Variants in KIF3C observed in about 807,000 individuals in gnomAD.
The protein encoded by KIF3C is kinesin-like protein KIF3C.
A neutral mutation model predicts 67.7 loss-of-function variants in KIF3C; 12 were observed. The observed-to-expected ratio is 0.18, with a 90% CI of 0.11 to 0.29. The LOEUF (loss-of-function observed/expected upper bound fraction) is 0.29. Ranked by LOEUF, KIF3C falls within the 10% of genes least tolerant of loss-of-function variation. The pLI, the probability that KIF3C is intolerant of heterozygous loss-of-function variation, is 1.00. For missense variants in KIF3C, 789 were observed against 1,059.6 expected (o/e 0.74, Z 3.55); for synonymous variants, 393 against 426.2 (o/e 0.92, Z 0.96).
rs1646549878 is a variant in KIF3C at position 25,955,948 on chromosome 2, A to G, written c.1648-285T>C. ...AGTCACACAGATGGAGGCACATCAC[A>G]CTGCCTTCCAAGCTGCCTCACCCTC... is the stretch of plus-strand genomic sequence containing the variant. On this transcript the variant is annotated intron_variant, in intron 2 of 7. Transcript: ENST00000264712. This position sits in a 1 kb window ranked among gnomAD's most constrained non-coding sequence, Gnocchi z 5.0. Among the ~76,000 whole-genome samples the G allele has an allele frequency of 6.6e-6, 1 of 152,146 alleles. No individual in the cohort carries two copies. The highest frequency in any genetic ancestry group is 1.5e-5 in the Non-Finnish European group (1 of 68,020).
Position 25,981,405 on chromosome 2 carries a change from G to C in KIF3C, c.513C>G (p.Pro171=). 1 of 1,614,222 alleles carries C rather than the reference G, an allele frequency of 6.2e-7. No individual in the cohort carries two copies. The highest frequency in any genetic ancestry group is 1.3e-5 in the African/African-American group (1 of 75,050). ...PGKRLELKEN[P]ETGVYIKDLS... is the part of the protein sequence containing the mutation. ...GGTCCTTGATGTAGACGCCAGTCTC[G>C]GGGTTCTCTTTCAGCTCTAGCCTCT... The change falls in exon 1 of 8, where the codon CCC becomes CCG. Residue 171 remains proline (P), a synonymous_variant. Coordinates refer to ENST00000264712, the MANE Select transcript of KIF3C (RefSeq NM_002254.8). The surrounding 1 kb of genome is among the most constrained non-coding windows in gnomAD (Gnocchi z 8.2).
intron 1 of KIF3C, among the ~76,000 whole-genome samples, chr2:25,979,707 C>G (rs569340046): frequency 6.6e-6 from 1 of 152,284 alleles, no homozygotes; most frequent in South Asian, 2.1e-4. Flanking sequence ...TCCCAGGGAG[C>G]AGAATCTGTT....
At chr2:25,943,489 A>C (rs937954554) in intron 5 of KIF3C, among the ~76,000 whole-genome samples, 5 of 152,194 alleles carry the variant, frequency 3.3e-5, no homozygotes. Context: ...TTTTTACTTT[A>C]TTCTAACCAT....
intron 6 of KIF3C, 44 bp downstream of exon 6, chr2:25,929,911 C>T (rs369522099): frequency 4.3e-6 from 6 of 1,391,756 alleles, no homozygotes; most frequent in South Asian, 3.5e-5. Context: ...ACACCTCGCC[C>T]GGCCTCCCTC....
chr2:25,953,739 C>T (rs1663718060), intron 4 of KIF3C, among the ~76,000 whole-genome samples: 3 of 148,972 alleles, frequency 2.0e-5, no homozygotes. Flanking sequence ...GGCATGATCT[C>T]GGCTCACTGC....
At chr2:25,959,659 C>G (rs190951634) in intron 1 of KIF3C, among the ~76,000 whole-genome samples, 135 of 152,110 alleles carry the variant, frequency 8.9e-4, no homozygotes, top group African/African-American at 3.1e-3. Flanking sequence ...AGGCTGGTCT[C>G]GAACTCCTGA....
rs141721325 is a variant in KIF3C, at chr2:25,979,356, G to T, written c.1545+1017C>A. Among the ~76,000 whole-genome samples the T allele has an allele frequency of 3.3e-5, 5 of 152,302 alleles. No individual in the cohort carries two copies. The East Asian group carries it at 9.6e-4, about 29-fold the overall frequency. Reference sequence around the variant, plus strand: ...TGCTGAGGTCCTGACATCTCTCAGGGTTATGGGGAATTGGATATTAACTGT... The same window carrying T: ...TGCTGAGGTCCTGACATCTCTCAGGTTTATGGGGAATTGGATATTAACTGT... On this transcript the variant is annotated intron_variant, in intron 1 of 7. Transcript: ENST00000264712.
At chr2:25,957,098 G>C (rs1476735240) in intron 1 of KIF3C, among the ~76,000 whole-genome samples, 1 of 152,182 alleles carries the variant, frequency 6.6e-6, no homozygotes, top group African/African-American at 2.4e-5. Flanking sequence ...CACCGCCTAT[G>C]TTCCAGGATG....
At chr2:25,948,429 G>A (rs1663500927) in intron 5 of KIF3C, among the ~76,000 whole-genome samples, 1 of 151,598 alleles carries the variant, frequency 6.6e-6, no homozygotes, top group Admixed American at 6.6e-5. Context: ...GTGCATGCCT[G>A]TGGCCCCAGC....
rs1664623912 is a variant in KIF3C, at chr2:25,982,302, T to C, written c.-385A>G. ...GATGGGGGTGGGCGGCGAGCTGTCT[T>C]CTCCTCCTTCCTCTAGGGATCCATA... On this transcript the variant is annotated 5_prime_UTR_variant, in exon 1 of 8. Transcript: ENST00000264712. 1 of 402,044 alleles carries C rather than the reference T, an allele frequency of 2.5e-6. No individual in the cohort carries two copies. The highest frequency in any genetic ancestry group is 1.2e-4 in the South Asian group (1 of 8,434). The allele number at this position is 402,044 out of a possible 1,614,324, so 24.9% of individuals were successfully genotyped here.
At chr2:25,929,534 G>A in intron 6 of KIF3C, 57 bp from the exon 7 acceptor site, 1 of 1,508,902 alleles carries the variant, frequency 6.6e-7, no homozygotes. Context: ...TGCCTTCTAG[G>A]GACTCAGCCA....
At chr2:25,968,919 G>A (rs1009889483) in intron 1 of KIF3C, among the ~76,000 whole-genome samples, 1 of 152,180 alleles carries the variant, frequency 6.6e-6, no homozygotes, top group Middle Eastern at 3.4e-3. Flanking sequence ...CGCCTTCCGG[G>A]TTCAAGTGAT....
At chr2:25,954,118 G>A (rs1663733539) in intron 4 of KIF3C, 149 bp downstream of exon 4, 2 of 683,584 alleles carry the variant, frequency 2.9e-6, no homozygotes, top group Non-Finnish European at 5.3e-6. Flanking sequence ...ACTCCAGCAC[G>A]TGGGCCCATC....
chr2:25,979,871 C>T (rs562388098), intron 1 of KIF3C, among the ~76,000 whole-genome samples: 60 of 152,190 alleles, frequency 3.9e-4, no homozygotes, highest in Non-Finnish European at 6.6e-4. Flanking sequence ...AACTGTGACC[C>T]TGGATGGCCA....
chr2:25,981,145 G>A lies in KIF3C; in HGVS notation c.773C>T (p.Pro258Leu). ...AGSERQNKAG[P>L]NTAGGAATPS... ...TGTGGCTGCCCCTCCCGCTGTGTTG[G>A]GGCCTGCCTTGTTCTGCCTCTCGCT... is the stretch of plus-strand genomic sequence containing the variant. The change falls in exon 1 of 8, where the codon CCC (proline) becomes CTC (leucine). Residue 258 changes from proline (P) to leucine (L), a missense_variant. Physicochemically the swap from Pro to Leu is moderately conservative, Grantham distance 98 (BLOSUM62 -3). Transcript: ENST00000264712. The surrounding 1 kb of genome is among the most constrained non-coding windows in gnomAD (Gnocchi z 8.2). 6.2e-7 allele frequency: 1 copy of A among 1,614,104 alleles called. No homozygotes were observed. The highest frequency in any genetic ancestry group is 8.5e-7 in the Non-Finnish European group (1 of 1,180,032).
intron 5 of KIF3C, among the ~76,000 whole-genome samples, chr2:25,932,460 G>T (rs2090469156): frequency 6.6e-6 from 1 of 151,748 alleles, no homozygotes; most frequent in African/African-American, 2.4e-5. Context: ...ATAGGAGTTA[G>T]CATAATAAAA....
At chr2:25,929,706 C>A (rs1001964699) in intron 6 of KIF3C, among the ~76,000 whole-genome samples, 4 of 151,958 alleles carry the variant, frequency 2.6e-5, no homozygotes, top group African/African-American at 9.7e-5. Flanking sequence ...ACCTCCACCT[C>A]CCAGGTTCAA....
intron 5 of KIF3C, among the ~76,000 whole-genome samples, chr2:25,933,269 A>G (rs1010492917): frequency 6.6e-5 from 10 of 151,978 alleles, no homozygotes; most frequent in African/African-American, 1.9e-4. Flanking sequence ...TCAAAAAAAA[A>G]AAAGGGCAAA....
chr2:25,933,691 A>C (rs747898796), intron 5 of KIF3C, among the ~76,000 whole-genome samples: 61 of 152,000 alleles, frequency 4.0e-4, no homozygotes, highest in Non-Finnish European at 2.6e-4. Context: ...AAAAAAAAAA[A>C]ACCCACAATG....
Sources: allele counts gnomAD v4.1 joint callset (sites outside exome capture counted in the v4.1 genomes callset), GRCh38; gene constraint gnomAD v4.1.1; non-coding constraint Gnocchi (gnomAD v3.1); transcripts MANE v1.5; gene names NCBI Gene and HGNC (gene_info 2026-07-23, HGNC 2026-07-21).